Variants in TRIM65 observed in about 807,000 individuals in gnomAD.
TRIM65 encodes the protein E3 ubiquitin-protein ligase TRIM65.
Under a neutral mutation model 36.1 loss-of-function variants are expected in TRIM65, and 46 were observed. The ratio of observed to expected loss-of-function variants is 1.27; its 90% CI spans 1.01 to 1.63. The LOEUF is 1.63. Ranked by LOEUF, TRIM65 falls within the 40% of genes most tolerant of loss-of-function variation. The pLI is 0.00. For synonymous variants in TRIM65, 346 were observed against 313.6 expected (o/e 1.10, Z -1.09); for missense variants, 708 against 696.6 (o/e 1.02, Z -0.18).
rs1400063512 is a variant in TRIM65 at position 75,892,806 on chromosome 17, G to C, written c.459C>G (p.Thr153=). ...GCTCTAGTAGCTGGCCTTCGGCCTG[G>C]GTGGCCTGCTGCTGGGTAACCTCCA... is the stretch of plus-strand genomic sequence containing the variant. The part of the protein sequence containing the change: ...ASLEVTQQQA[T]QAEGQLLELR... The change falls in exon 2 of 6, where the codon ACC becomes ACG. Residue 153 remains threonine (T), a synonymous_variant. Transcript: ENST00000269383. The C allele has an allele frequency of 6.2e-7, 1 of 1,604,174 alleles. No individual in the cohort carries two copies. The highest frequency in any genetic ancestry group is 8.5e-7 in the Non-Finnish European group (1 of 1,179,922).
At chr17:75,893,667 T>G (rs2065305075) in intron 1 of TRIM65, among the ~76,000 whole-genome samples, 1 of 152,038 alleles carries the variant, frequency 6.6e-6, no homozygotes, top group Admixed American at 6.5e-5. Context: ...GATAATTTGG[T>G]CAAAGTCCTC....
Position 75,892,425 on chromosome 17 carries a change from T to C in TRIM65, c.586A>G (p.Thr196Ala), listed in dbSNP as rs1404782560. The C allele has an allele frequency of 6.2e-7, 1 of 1,613,942 alleles. No individual in the cohort carries two copies. The highest frequency in any genetic ancestry group is 8.5e-7 in the Non-Finnish European group (1 of 1,179,816). ...ACCTCGATGCTCCTCAGTGCTGTCG[T>C]GTGCTGTATTTCCAGGGCCTGTAGC... is the stretch of plus-strand genomic sequence containing the variant. ...SLLQALEIQH[T>A]TALRSIEVAK... The change falls in exon 3 of 6, where the codon ACG becomes GCG. Residue 196 changes from threonine (T) to alanine (A), a missense_variant. Transcript: ENST00000269383.
At position 75,891,292 on chromosome 17, in the gene TRIM65, C is replaced by G; in HGVS notation, c.1041G>C (p.Ser347=). The G allele has an allele frequency of 6.2e-7, 1 of 1,613,162 alleles. No homozygotes were observed. Among genetic ancestry groups the G allele is most frequent in the South Asian group, 1.1e-5 (1 of 91,076 alleles). Residue 347 remains serine, a synonymous_variant, in exon 6 of 6, where the codon TCG becomes TCC. Transcript: ENST00000269383. The stretch of plus-strand genomic sequence containing the variant: ...AGTGCTTCACCTGCTGGTCCTGGCG[C>G]GACAGATAGAAGTGACGGTTGGCGC... ...PVSANRHFYL[S]RQDQQVKHCR... is the part of the protein sequence containing the mutation.
chr17:75,891,702 C>T (rs1020889416), intron 5 of TRIM65, 111 bp downstream of exon 5: 7 of 1,360,516 alleles, frequency 5.1e-6, no homozygotes, highest in Admixed American at 4.4e-5. Flanking sequence ...AAGTGCCCCC[C>T]TCACTCACAC....
chr17:75,881,103 C>T (rs2065166055), intron 4 of TRIM65, among the ~76,000 whole-genome samples: 1 of 149,804 alleles, frequency 6.7e-6, no homozygotes, highest in Non-Finnish European at 1.5e-5. Flanking sequence ...AAAAAATTAG[C>T]CGGGCGTGGT....
chr17:75,883,526 G>GT (rs58142876), intron 4 of TRIM65, among the ~76,000 whole-genome samples: 106,893 of 118,200 alleles, frequency 0.9, 50,252 homozygotes, highest in Non-Finnish European at 0.97. Flanking sequence ...CTCTGAACAA[G>GT]TTTTTTTTTT....
In TRIM65 at chr17:75,896,665, A is replaced by AGGGTCG. The variant is rs967369802; in HGVS notation, c.267_272dup (p.Asp90_Pro91dup). 1.3e-5 allele frequency: 16 copies of AGGGTCG among 1,249,374 alleles called. No homozygotes were observed. Among genetic ancestry groups the AGGGTCG allele is most frequent in the African/African-American group, 4.7e-5 (3 of 63,884 alleles). The allele number at this position is 1,249,374 out of a possible 1,614,324, so 77.4% of individuals were successfully genotyped here. ...GCCCGTGGCGGGGGCAGCGCGCGGCAGGGTCGGGGCCGGGGCCGGGATCGG... is the reference window on the plus strand; with the variant it reads ...GCCCGTGGCGGGGGCAGCGCGCGGCAGGGTCGGGGTCGGGGCCGGGGCCGGGATCGG... On this transcript the variant is annotated inframe_insertion, in exon 1 of 6. Coordinates refer to ENST00000269383, the MANE Select transcript of TRIM65 (RefSeq NM_173547.4).
intron 2 of TRIM65, 83 bp downstream of exon 2, chr17:75,892,672 G>C (rs1344935716): frequency 7.2e-7 from 1 of 1,386,212 alleles, no homozygotes; most frequent in Non-Finnish European, 1.0e-6. Flanking sequence ...GCTCCCTGCT[G>C]CCTGGTGTTC....
Position 75,883,469 on chromosome 17 carries a change from A to T in TRIM65, c.350-2840T>A, listed in dbSNP as rs544590848. ...GTTTTATTTTGTTTTTTGGTTAAAA[A>T]GCTTTTTTGTTTTTCTGTTTGTTTC... On this transcript the variant is annotated intron_variant, in intron 4 of 4. Transcript: ENST00000591668. 2.6e-5 allele frequency among the ~76,000 whole-genome samples: 4 copies of T among 151,016 alleles called. No homozygotes were observed. In the South Asian group the frequency reaches 8.4e-4, roughly 32 times the overall value.
chr17:75,887,680 G>A (rs1180683495), downstream of TRIM65, among the ~76,000 whole-genome samples: 4 of 151,712 alleles, frequency 2.6e-5, no homozygotes, highest in South Asian at 2.1e-4. Flanking sequence ...AAAGATAAAG[G>A]GTGGGAGTCT....
rs1316212054 is a variant in TRIM65 at position 75,891,893 on chromosome 17, A to T, written c.920-15T>A. On this transcript the variant is annotated splice_polypyrimidine_tract_variant and intron_variant, in intron 4 of 5. Coordinates refer to ENST00000269383, the MANE Select transcript of TRIM65 (RefSeq NM_173547.4). The stretch of plus-strand genomic sequence containing the variant: ...ACCTGGGGCCTCTAGGGGGCAAAGC[A>T]GTGTTAAGGGAATGGTTGGAGAGGT... The T allele has an allele frequency of 5.0e-6, 8 of 1,607,880 alleles. No homozygotes were observed. Among genetic ancestry groups the T allele is most frequent in the Non-Finnish European group, 6.8e-6 (8 of 1,177,250 alleles).
chr17:75,890,090 CTG>C lies in TRIM65; in HGVS notation c.*687_*688del, dbSNP rs1491334651. The stretch of plus-strand genomic sequence containing the variant: ...TTAAGTCAGGAAACTTCAGAAAACA[CTG>C]TAATCTGAGCTACTCTGGAGGCTGA... On this transcript the variant is annotated 3_prime_UTR_variant, in exon 6 of 6. Coordinates refer to ENST00000269383, the MANE Select transcript of TRIM65 (RefSeq NM_173547.4). 3 of 152,194 alleles carry C rather than the reference CTG, an allele frequency of 2.0e-5. No homozygotes were observed. Among genetic ancestry groups the C allele is most frequent in the African/African-American group, 7.2e-5 (3 of 41,442 alleles). 9.4% of individuals were successfully genotyped at this position (152,194 alleles called of 1,614,324 possible). A position where few individuals can be genotyped will look rare whatever the true frequency, so the allele number is the denominator to read the frequency against.
rs1184802820 is a variant in TRIM65 at position 75,889,989 on chromosome 17, GATAA to G, written c.*786_*789del. 1 of 152,130 alleles carries G rather than the reference GATAA, an allele frequency of 6.6e-6. No homozygotes were observed. Among genetic ancestry groups the G allele is most frequent in the Non-Finnish European group, 1.5e-5 (1 of 68,016 alleles). 9.4% of individuals were successfully genotyped at this position (152,130 alleles called of 1,614,324 possible). On this transcript the variant is annotated 3_prime_UTR_variant, in exon 6 of 6. Transcript: ENST00000269383. Reference sequence around the variant, plus strand: ...AAAGAAATTTAAATGTCCAATAATGGATAAATAAACTTGATAGTCATTAGAATGA... The same window carrying G: ...AAAGAAATTTAAATGTCCAATAATGGATAAACTTGATAGTCATTAGAATGA...
In TRIM65 at chr17:75,896,653, G is replaced by C; in HGVS notation, c.285C>G (p.Cys95Trp). 1.6e-6 allele frequency: 2 copies of C among 1,241,794 alleles called. No homozygotes were observed. Among genetic ancestry groups the C allele is most frequent in the Non-Finnish European group, 2.0e-6 (2 of 996,930 alleles). 76.9% of individuals were successfully genotyped at this position (1,241,794 alleles called of 1,614,324 possible). A position where few individuals can be genotyped will look rare whatever the true frequency, so the allele number is the denominator to read the frequency against. The change falls in exon 1 of 6, where the codon TGC (cysteine) becomes TGG (tryptophan). Residue 95 changes from cysteine to tryptophan, a missense_variant. Transcript: ENST00000269383. ...GCTCCAGCGGCCGCCCGTGGCGGGG[G>C]CAGCGCGCGGCAGGGTCGGGGCCGG... ...PGPGPDPAARCPRHGRPLELF... is the reference protein window; with the variant it reads ...PGPGPDPAARWPRHGRPLELF...
In TRIM65 at chr17:75,892,337, T is replaced by C. The variant is rs756738856; in HGVS notation, c.674A>G (p.Glu225Gly). ...DEEQRLRVHL[E>G]AVARHGCRIR... ...CCTGCAGCCATGGCGAGCCACAGCC[T>C]CCAAATGGACCCGCAGCCGCTGCTC... is the stretch of plus-strand genomic sequence containing the variant. Residue 225 changes from glutamate (E) to glycine (G), a missense_variant, in exon 3 of 6, where the codon GAG (glutamate) becomes GGG (glycine). Coordinates refer to ENST00000269383, the MANE Select transcript of TRIM65 (RefSeq NM_173547.4). The C allele has an allele frequency of 1.5e-5, 25 of 1,613,044 alleles. No individual in the cohort carries two copies. The highest frequency in any genetic ancestry group is 2.0e-5 in the Non-Finnish European group (24 of 1,179,932).
In TRIM65 at chr17:75,896,812, G is replaced by A. The variant is rs1339589043; in HGVS notation, c.126C>T (p.Arg42=). The change falls in exon 1 of 6, where the codon CGC becomes CGT. Residue 42 remains arginine (R), a synonymous_variant. Transcript: ENST00000269383. ...CGACIRDWWD[R]CGKACPECRE... is the part of the protein sequence containing the mutation. ...GGCACTCGGGGCACGCCTTTCCGCA[G>A]CGGTCCCACCAGTCCCGGATGCAGG... 6.6e-7 allele frequency: 1 copy of A among 1,514,282 alleles called. No homozygotes were observed. Among genetic ancestry groups the A allele is most frequent in the Admixed American group, 2.1e-5 (1 of 48,258 alleles). The allele number at this position is 1,514,282 out of a possible 1,614,324, so 93.8% of individuals were successfully genotyped here. A position where few individuals can be genotyped will look rare whatever the true frequency, so the allele number is the denominator to read the frequency against.
At position 75,892,168 on chromosome 17, in the gene TRIM65, C is replaced by T; in HGVS notation, c.762G>A (p.Gln254=). The T allele has an allele frequency of 4.5e-6, 7 of 1,569,322 alleles. No homozygotes were observed. Among genetic ancestry groups the T allele is most frequent in the Non-Finnish European group, 6.1e-6 (7 of 1,156,920 alleles). ...QTFLQESQLL[Q]PPGPLGPLTP... ...TCAGTGGCCCAAGAGGCCCTGGGGG[C>T]TGGAGGAGCTGCGATTCCTGAGCCC... Residue 254 remains glutamine (Q), a synonymous_variant, in exon 4 of 6, where the codon CAG becomes CAA. Coordinates refer to ENST00000269383, the MANE Select transcript of TRIM65 (RefSeq NM_173547.4).
chr17:75,895,655 T>TC (rs1163008304), intron 1 of TRIM65, among the ~76,000 whole-genome samples: 2 of 152,154 alleles, frequency 1.3e-5, no homozygotes, highest in African/African-American at 4.8e-5. Flanking sequence ...GAAGGCGGCC[T>TC]CCCCTTCCTC....
At chr17:75,891,428 C>A in intron 5 of TRIM65, 81 bp from the exon 6 acceptor site, 1 of 1,463,186 alleles carries the variant, frequency 6.8e-7, no homozygotes, top group Non-Finnish European at 9.4e-7. Context: ...TAAACCTCCG[C>A]CAGGCACGCT....
Sources: gnomAD v4.1 joint callset for allele counts (sites outside exome capture counted in the v4.1 genomes callset) on GRCh38, gnomAD v4.1.1 for gene constraint, MANE v1.5 for transcripts, NCBI Gene and HGNC (gene_info 2026-07-23, HGNC 2026-07-21) for gene names.